The following PLXNC1 variants were observed in gnomAD, a reference collection of about 807,000 sequenced individuals.
PLXNC1 encodes plexin-C1.
In PLXNC1, 75 loss-of-function variants were observed where a neutral mutation model predicts 178.2. The observed-to-expected ratio is 0.42, with a 90% CI of 0.35 to 0.51. The LOEUF is 0.51. Among genes scored for constraint, PLXNC1 ranks in the 20% least tolerant of loss-of-function variants. The pLI, the probability that PLXNC1 is intolerant of heterozygous loss-of-function variation, is 0.02. For missense variants in PLXNC1, 1,503 were observed against 1,984.4 expected, an observed-to-expected ratio of 0.76 and a Z score of 4.61; for synonymous variants, 790 against 779.9, an observed-to-expected ratio of 1.01 and a Z score of -0.22.
At chr12:94,214,796 G>A (rs905659448) in intron 5 of PLXNC1, among the ~76,000 whole-genome samples, 15 of 152,228 alleles carry the variant, frequency 9.9e-5, no homozygotes, top group Middle Eastern at 3.2e-3. Flanking sequence ...TAAGAGATAT[G>A]TGTTGGAGTC....
chr12:94,233,814 A>ATTT (rs1385490867), intron 9 of PLXNC1, among the ~76,000 whole-genome samples: 1 of 151,838 alleles, frequency 6.6e-6, no homozygotes, highest in African/African-American at 2.4e-5. Flanking sequence ...ACTCTTTCCC[A>ATTT]TTTCCACGGC....
chr12:94,197,394 A>G (rs1962953327), intron 4 of PLXNC1, among the ~76,000 whole-genome samples: 3 of 151,064 alleles, frequency 2.0e-5, no homozygotes, highest in Non-Finnish European at 2.9e-5. Context: ...TGGGTTACTT[A>G]TCACAGGAGT....
intron 22 of PLXNC1, among the ~76,000 whole-genome samples, chr12:94,280,694 AC>A (rs796769332): frequency 2.4e-4 from 36 of 152,282 alleles, no homozygotes; most frequent in African/African-American, 8.2e-4. Context: ...CATGACCCTG[AC>A]CCCAGACCCC....
intron 1 of PLXNC1, among the ~76,000 whole-genome samples, chr12:94,166,524 G>GTAT (rs55733946): frequency 0.03 from 4,303 of 144,012 alleles, 80 homozygotes; most frequent in Middle Eastern, 0.054. Context: ...ATGTTAGCTG[G>GTAT]TATTATTATT....
At chr12:94,303,025 A>G (rs1039596671) in intron 28 of PLXNC1, among the ~76,000 whole-genome samples, 1 of 152,240 alleles carries the variant, frequency 6.6e-6, no homozygotes, top group Non-Finnish European at 1.5e-5. Context: ...GGGCTGGGAC[A>G]TTAGCCCTAT....
Position 94,260,898 on chromosome 12 carries a change from C to T in PLXNC1, c.3450+58C>T, listed in dbSNP as rs111744534. The stretch of plus-strand genomic sequence containing the variant: ...TAAGACAATAGGCAGTTATTTTTAG[C>T]GGACTCTGATGCCTTTGCCAGGATA... On this transcript the variant is annotated intron_variant, in intron 20 of 30. Transcript: ENST00000258526. The surrounding 1 kb of genome is among the most constrained non-coding windows in gnomAD (Gnocchi z 4.4). The T allele has an allele frequency of 7.4e-5, 106 of 1,437,306 alleles. 1 individual carries two copies. In the African/African-American group the frequency reaches 8.4e-4, roughly 11 times the overall value. The allele number at this position is 1,437,306 out of a possible 1,614,324, so 89.0% of individuals were successfully genotyped here. A position where few individuals can be genotyped will look rare whatever the true frequency, so the allele number is the denominator to read the frequency against.
Position 94,260,770 on chromosome 12 carries a change from G to A in PLXNC1, c.3380G>A (p.Arg1127Lys), listed in dbSNP as rs766018114. ...AACATGCAGCCGAAACTCATGCTGA[G>A]ACGCACGGAGTCCGTCGTCGAAAAA... ...CSNMQPKLML[R>K]RTESVVEKLL... The change falls in exon 20 of 31, where the codon AGA becomes AAA. Residue 1127 changes from arginine to lysine, a missense_variant. Physicochemically the swap from Arg to Lys is conservative, Grantham distance 26. Transcript: ENST00000258526. The surrounding 1 kb of genome is among the most constrained non-coding windows in gnomAD (Gnocchi z 4.4). 6.2e-7 allele frequency: 1 copy of A among 1,614,198 alleles called. No homozygotes were observed. The highest frequency in any genetic ancestry group is 8.5e-7 in the Non-Finnish European group (1 of 1,180,032).
intron 17 of PLXNC1, among the ~76,000 whole-genome samples, 179 bp downstream of exon 17, chr12:94,255,475 G>T (rs893107685): frequency 1.3e-5 from 2 of 152,204 alleles, no homozygotes; most frequent in Non-Finnish European, 2.9e-5. Flanking sequence ...ATTGATTAGG[G>T]TATAAAACAG....
Position 94,220,010 on chromosome 12 carries a change from G to A in PLXNC1, c.1555-6G>A, listed in dbSNP as rs117324576. 691 of 1,612,730 alleles carry A rather than the reference G, an allele frequency of 4.3e-4. 6 individuals carry two copies. The East Asian group carries it at 8.9e-3, about 21-fold the overall frequency. Reference sequence around the variant, plus strand: ...ATCATTTTTTCCCCATATCTTCCCCGCACAGACTACAGTGACTATGGTGGG... The same window carrying A: ...ATCATTTTTTCCCCATATCTTCCCCACACAGACTACAGTGACTATGGTGGG... On this transcript the variant is annotated splice_polypyrimidine_tract_variant and splice_region_variant and intron_variant, in intron 5 of 30. Transcript: ENST00000258526.
intron 1 of PLXNC1, among the ~76,000 whole-genome samples, chr12:94,152,677 A>G (rs1303074145): frequency 6.6e-6 from 1 of 152,246 alleles, no homozygotes; most frequent in Non-Finnish European, 1.5e-5. Flanking sequence ...ACAGTAATCC[A>G]CAGGCTGCAA....
rs528032818 is a variant in PLXNC1, at chr12:94,189,483, A to C, written c.1439+3010A>C. 4.6e-5 allele frequency among the ~76,000 whole-genome samples: 7 copies of C among 152,286 alleles called. No individual in the cohort carries two copies. The East Asian group carries it at 7.7e-4, about 17-fold the overall frequency. ...CACTTGAGCCCAAGAGTTTGAGACC[A>C]GCCTGGGCAACATGGCAAAGACCCC... On this transcript the variant is annotated intron_variant, in intron 4 of 30. Coordinates refer to ENST00000258526, the MANE Select transcript of PLXNC1 (RefSeq NM_005761.3).
At chr12:94,176,649 A>G (rs909977792) in intron 2 of PLXNC1, among the ~76,000 whole-genome samples, 3 of 152,226 alleles carry the variant, frequency 2.0e-5, no homozygotes, top group African/African-American at 4.8e-5. Context: ...CAAAAGAACC[A>G]AGAAAATATT....
chr12:94,225,287 A>G (rs1963908269), intron 7 of PLXNC1, among the ~76,000 whole-genome samples: 2 of 152,164 alleles, frequency 1.3e-5, no homozygotes, highest in African/African-American at 4.8e-5. Context: ...TGAGCACCAA[A>G]TGGGAGTTTC....
intron 5 of PLXNC1, among the ~76,000 whole-genome samples, chr12:94,214,542 ATC>A (rs1286105335): frequency 6.6e-6 from 1 of 152,248 alleles, no homozygotes; most frequent in Non-Finnish European, 1.5e-5. Context: ...TTACTTACTC[ATC>A]TTAAGTGGCT....
chr12:94,301,672 A>G (rs1968479658), intron 28 of PLXNC1, among the ~76,000 whole-genome samples: 1 of 152,238 alleles, frequency 6.6e-6, no homozygotes, highest in African/African-American at 2.4e-5. Flanking sequence ...GGATCTTTGA[A>G]CACTGAGGAG....
rs760516794 is a variant in PLXNC1, at chr12:94,243,969, A to G, written c.2332A>G (p.Asn778Asp). Residue 778 changes from asparagine (N) to aspartate (D), a missense_variant, in exon 12 of 31, where the codon AAT becomes GAT. By Grantham distance (23) the Asn-to-Asp change is conservative (BLOSUM62 1). Coordinates refer to ENST00000258526, the MANE Select transcript of PLXNC1 (RefSeq NM_005761.3). ...GGQNITMMGR[N>D]FDVIDNLIIS... is the part of the protein sequence containing the mutation. ...TCAAAATATAACCATGATGGGCAGA[A>G]ATTTTGATGTAATTGACAACTTAAT... is the stretch of plus-strand genomic sequence containing the variant. The G allele has an allele frequency of 6.2e-7, 1 of 1,600,650 alleles. No homozygotes were observed. Among genetic ancestry groups the G allele is most frequent in the South Asian group, 1.1e-5 (1 of 90,370 alleles).
chr12:94,245,925 T>C (rs1422918736), intron 12 of PLXNC1, among the ~76,000 whole-genome samples: 1 of 152,038 alleles, frequency 6.6e-6, no homozygotes, highest in African/African-American at 2.4e-5. Flanking sequence ...GTGACATAGG[T>C]CTAGGTACAC....
At chr12:94,257,148 G>C (rs1473982055) in intron 17 of PLXNC1, among the ~76,000 whole-genome samples, 5 of 152,176 alleles carry the variant, frequency 3.3e-5, no homozygotes, top group Admixed American at 2.0e-4. Flanking sequence ...TGCATTCCAG[G>C]CTGCAGATAA....
At chr12:94,224,489 C>T (rs1373084705) in intron 7 of PLXNC1, among the ~76,000 whole-genome samples, 174 bp downstream of exon 7, 1 of 152,228 alleles carries the variant, frequency 6.6e-6, no homozygotes, top group African/African-American at 2.4e-5. Context: ...TCCGCTCGCA[C>T]ATTCTAGCCC....
Sources: gnomAD v4.1 joint callset for allele counts (sites outside exome capture counted in the v4.1 genomes callset) on GRCh38, gnomAD v4.1.1 for gene constraint, Gnocchi (gnomAD v3.1) non-coding constraint, MANE v1.5 for transcripts, NCBI Gene and HGNC (gene_info 2026-07-23, HGNC 2026-07-21) for gene names.